Variants in MLIP observed in about 807,000 individuals in gnomAD.
The protein encoded by MLIP is muscular LMNA-interacting protein.
A neutral mutation model predicts 84.8 loss-of-function variants in MLIP; 79 were observed. The ratio of observed to expected loss-of-function variants is 0.93; its 90% confidence interval spans 0.78 to 1.12. MLIP has a LOEUF of 1.12. MLIP is among the 50% of genes most tolerant of loss of function. MLIP has a pLI of 0.00. For missense variants in MLIP, 1,257 were observed against 1,160.6 expected (o/e 1.08, Z -1.21); for synonymous variants, 504 against 463.0 (o/e 1.09, Z -1.14).
rs547234271 is a variant in MLIP at position 54,147,657 on chromosome 6, G to C, written c.2218-1399G>C. 7.7e-4 allele frequency among the ~76,000 whole-genome samples: 117 copies of C among 152,186 alleles called. 1 individual carries two copies. The highest frequency in any genetic ancestry group is 3.4e-4 in the Non-Finnish European group (23 of 67,980). ...TTTTGGGAAAAAGTGTGCAGCTTCG[G>C]AGCTCTTGTGCACGTTTTGCTGAGT... On this transcript the variant is annotated intron_variant, in intron 4 of 13. Coordinates refer to ENST00000502396, the MANE Select transcript of MLIP (RefSeq NM_001281747.2).
At chr6:54,177,374 G>T (rs1355133242) in intron 9 of MLIP, among the ~76,000 whole-genome samples, 1 of 151,676 alleles carries the variant, frequency 6.6e-6, no homozygotes. Flanking sequence ...CCCACTAAAA[G>T]GTGGACAAAG....
At chr6:54,135,219 C>T (rs57402897) in intron 3 of MLIP, among the ~76,000 whole-genome samples, 23 of 152,056 alleles carry the variant, frequency 1.5e-4, no homozygotes, top group East Asian at 3.9e-4. Flanking sequence ...AAAACTTATA[C>T]GAGTGAATTG....
intron 2 of MLIP, 117 bp from the exon 3 acceptor site, chr6:54,124,356 A>C: frequency 1.0e-6 from 1 of 970,002 alleles, no homozygotes. Context: ...TCTTATGTCA[A>C]CCTAATTTAA....
intron 12 of MLIP, among the ~76,000 whole-genome samples, chr6:54,246,101 T>C (rs1022352512): frequency 1.3e-5 from 2 of 152,170 alleles, no homozygotes; most frequent in East Asian, 3.9e-4. Flanking sequence ...TTCCATAAGT[T>C]CTGTGAATCA....
intron 1 of MLIP, among the ~76,000 whole-genome samples, chr6:54,061,101 TAGG>T (rs1316162434): frequency 6.6e-6 from 1 of 152,052 alleles, no homozygotes. Context: ...TTGAGATATC[TAGG>T]AGAAGTGTCT....
intron 1 of MLIP, among the ~76,000 whole-genome samples, chr6:54,022,164 T>C (rs1376801660): frequency 2.0e-5 from 3 of 152,246 alleles, no homozygotes; most frequent in Non-Finnish European, 4.4e-5. Flanking sequence ...AATGTAGTTC[T>C]GGTTTGTGTT....
At chr6:54,160,638 C>A in intron 7 of MLIP, 39 bp downstream of exon 7, 2 of 1,551,402 alleles carry the variant, frequency 1.3e-6, no homozygotes, top group Middle Eastern at 1.7e-4. Flanking sequence ...CAAACATTTG[C>A]TTTGCTTCTC....
rs1764713522 is a variant in MLIP at position 54,041,048 on chromosome 6, T to C, written c.63+21957T>C. ...TGTACCCATGTAACAAACCTGCATA[T>C]ACACCACCTGAAGCTACGATGAAAG... On this transcript the variant is annotated intron_variant, in intron 1 of 12. Transcript: ENST00000274897. The C allele has an allele frequency of 2.0e-5, 3 of 152,124 alleles. No homozygotes were observed. The South Asian group carries it at 6.2e-4, about 32-fold the overall frequency. 9.4% of individuals were successfully genotyped at this position (152,124 alleles called of 1,614,324 possible). A position where few individuals can be genotyped will look rare whatever the true frequency, so the allele number is the denominator to read the frequency against.
chr6:54,181,417 G>A (rs1405474162), intron 9 of MLIP, among the ~76,000 whole-genome samples: 1 of 152,086 alleles, frequency 6.6e-6, no homozygotes. Flanking sequence ...CAGGCAATGG[G>A]CTCCCTTCTG....
chr6:54,257,109 C>G (rs538680206), intron 12 of MLIP, among the ~76,000 whole-genome samples, 199 bp from the exon 13 acceptor site: 3 of 152,282 alleles, frequency 2.0e-5, no homozygotes, highest in African/African-American at 7.2e-5. Flanking sequence ...GTCTTATACA[C>G]AGAGTACTCA....
At chr6:54,128,256 A>G (rs186952841) in intron 3 of MLIP, among the ~76,000 whole-genome samples, 5 of 152,250 alleles carry the variant, frequency 3.3e-5, no homozygotes, top group African/African-American at 1.2e-4. Context: ...GGAAGTATGA[A>G]TCCTGGACAT....
At chr6:54,231,020 T>A (rs1582572264) in intron 12 of MLIP, 103 bp downstream of exon 12, 2 of 806,216 alleles carry the variant, frequency 2.5e-6, no homozygotes, top group Non-Finnish European at 3.8e-6. Context: ...TAGGAATATT[T>A]AAATATTAAA....
chr6:54,238,618 G>A (rs1781518459), intron 12 of MLIP, among the ~76,000 whole-genome samples: 1 of 152,172 alleles, frequency 6.6e-6, no homozygotes, highest in South Asian at 2.1e-4. Context: ...GAGGAGTGAG[G>A]ACTAAGCCTT....
At chr6:54,212,555 G>A (rs538701073) in intron 11 of MLIP, among the ~76,000 whole-genome samples, 13 of 152,268 alleles carry the variant, frequency 8.5e-5, no homozygotes, top group East Asian at 1.9e-4. Context: ...GTGTGTGTGC[G>A]CCTGTGTGTG....
chr6:54,151,204 C>A (rs1773406555), intron 5 of MLIP, among the ~76,000 whole-genome samples: 1 of 151,910 alleles, frequency 6.6e-6, no homozygotes, highest in Non-Finnish European at 1.5e-5. Context: ...CACATACTTT[C>A]TGCTGGCTTT....
intron 12 of MLIP, among the ~76,000 whole-genome samples, chr6:54,233,081 C>T (rs9474767): frequency 6.0e-4 from 91 of 152,314 alleles, no homozygotes; most frequent in Middle Eastern, 3.4e-3. Context: ...TAAGGATGCT[C>T]AGGTACTTTC....
At position 54,063,746 on chromosome 6, in the gene MLIP, G is replaced by GTGTT. The variant is rs1766111036; in HGVS notation, c.63+44658_63+44659insTTGT. On this transcript the variant is annotated intron_variant, in intron 1 of 12. Coordinates refer to the MLIP transcript ENST00000274897. Reference sequence around the variant, plus strand: ...CGTGTGTGTGTGTGTGTGTGTGTGTGTGTGTGTGTGGTGCCTTTCTTAGTA... The same window carrying GTGTT: ...CGTGTGTGTGTGTGTGTGTGTGTGTGTGTTTGTGTGTGTGGTGCCTTTCTTAGTA... Among the ~76,000 whole-genome samples the GTGTT allele has an allele frequency of 3.3e-5, 5 of 151,710 alleles. No individual in the cohort carries two copies. The South Asian group carries it at 1.0e-3, about 32-fold the overall frequency.
At chr6:54,070,794 A>G (rs952239726) in intron 1 of MLIP, among the ~76,000 whole-genome samples, 9 of 152,290 alleles carry the variant, frequency 5.9e-5, no homozygotes, top group African/African-American at 2.2e-4. Context: ...TTATAATTTC[A>G]AAGTAGTAAT....
intron 1 of MLIP, among the ~76,000 whole-genome samples, chr6:54,030,133 C>T (rs1419511941): frequency 1.3e-5 from 2 of 152,198 alleles, no homozygotes; most frequent in Admixed American, 1.3e-4. Flanking sequence ...ACAATGCTTA[C>T]TTTCCCACTA....
Sources: gnomAD v4.1 joint callset for allele counts (sites outside exome capture counted in the v4.1 genomes callset) on GRCh38, gnomAD v4.1.1 for gene constraint, MANE v1.5 for transcripts, NCBI Gene and HGNC (gene_info 2026-07-23, HGNC 2026-07-21) for gene names.